The following NPAS3 variants were observed in gnomAD, a reference collection of about 807,000 sequenced individuals.
The protein encoded by NPAS3 is neuronal PAS domain protein 3.
A neutral mutation model predicts 73.1 loss-of-function variants in NPAS3; 14 were observed. The ratio of observed to expected loss-of-function variants is 0.19; its 90% CI spans 0.13 to 0.30. The LOEUF (loss-of-function observed/expected upper bound fraction) is 0.30. Ranked by LOEUF, NPAS3 falls within the 10% of genes least tolerant of loss-of-function variation. The pLI is 1.00. For synonymous variants in NPAS3, 620 were observed against 541.5 expected, an observed-to-expected ratio of 1.14 and a Z score of -2.01; for missense variants, 1,096 against 1,250.0, an observed-to-expected ratio of 0.88 and a Z score of 1.86.
At chr14:33,075,594 A>G (rs966350516) in intron 2 of NPAS3, among the ~76,000 whole-genome samples, 4 of 152,210 alleles carry the variant, frequency 2.6e-5, no homozygotes, top group Non-Finnish European at 2.9e-5. Flanking sequence ...TTGCTAGAAC[A>G]CATTTTATAG....
chr14:33,350,686 A>G (rs911570334), intron 3 of NPAS3, among the ~76,000 whole-genome samples: 13 of 152,262 alleles, frequency 8.5e-5, no homozygotes, highest in Admixed American at 1.3e-4. Flanking sequence ...GATGCTTAAA[A>G]TGACTTTAAT....
intron 3 of NPAS3, among the ~76,000 whole-genome samples, chr14:33,340,430 G>A (rs1296996026): frequency 6.6e-6 from 1 of 152,256 alleles, no homozygotes; most frequent in Admixed American, 6.5e-5. Flanking sequence ...GGGAGGCAGA[G>A]GTTGCAGTGA....
intron 6 of NPAS3, among the ~76,000 whole-genome samples, chr14:33,732,771 C>T (rs2061431177): frequency 6.6e-6 from 1 of 152,184 alleles, no homozygotes; most frequent in African/African-American, 2.4e-5. Flanking sequence ...AACGTTGCCC[C>T]TGTATGTTTA....
rs1372871537 is a variant in NPAS3 at position 33,733,151 on chromosome 14, G to A, written c.734-2063G>A. Among the ~76,000 whole-genome samples the A allele has an allele frequency of 2.0e-5, 3 of 152,106 alleles. No homozygotes were observed. In the East Asian group the frequency reaches 5.8e-4, roughly 29 times the overall value. ...CTGAATTTTTAAGGCTGAGTTTGTG[G>A]TGTGGTTCTGATGGCTTCACGTTAG... On this transcript the variant is annotated intron_variant, in intron 6 of 11. Coordinates refer to ENST00000356141, the Ensembl canonical transcript of NPAS3.
intron 3 of NPAS3, among the ~76,000 whole-genome samples, chr14:33,322,430 G>A (rs1174212906): frequency 6.6e-6 from 1 of 150,708 alleles, no homozygotes; most frequent in Non-Finnish European, 1.5e-5. Flanking sequence ...GAGCAATTAC[G>A]TTTTTGCTAA....
intron 2 of NPAS3, among the ~76,000 whole-genome samples, chr14:33,144,140 T>C (rs2044156439): frequency 6.6e-6 from 1 of 152,206 alleles, no homozygotes; most frequent in African/African-American, 2.4e-5. Flanking sequence ...AGCCAAACTA[T>C]TTTCCACAGT....
In NPAS3 at chr14:33,394,680, G is replaced by A. The variant is rs186093995; in HGVS notation, c.468+27412G>A. On this transcript the variant is annotated intron_variant, in intron 4 of 11. Coordinates refer to ENST00000356141, the Ensembl canonical transcript of NPAS3. Reference sequence around the variant, plus strand: ...TATTTATCCTAAACATTTTAAAAATGCTGTTTTCCCAGACCAAAAGAAATA... The same window carrying A: ...TATTTATCCTAAACATTTTAAAAATACTGTTTTCCCAGACCAAAAGAAATA... Among the ~76,000 whole-genome samples, 614 of 152,212 alleles carry A rather than the reference G, an allele frequency of 4.0e-3. 7 individuals carry two copies. The highest frequency in any genetic ancestry group is 0.014 in the African/African-American group (574 of 41,556).
chr14:33,084,650 C>A (rs1171553177), intron 2 of NPAS3, among the ~76,000 whole-genome samples: 1 of 152,104 alleles, frequency 6.6e-6, no homozygotes, highest in East Asian at 1.9e-4. Flanking sequence ...ATCCTGGGGA[C>A]CTGTGTGATC....
chr14:33,545,410 CT>C (rs1304948808), intron 4 of NPAS3, among the ~76,000 whole-genome samples: 8 of 152,278 alleles, frequency 5.3e-5, no homozygotes, highest in Non-Finnish European at 8.8e-5. Flanking sequence ...TACGATGACA[CT>C]TTTACGTGTG....
rs2035871397 is a variant in NPAS3, at chr14:32,939,419, G to GCCGCCT, written c.50+59_50+64dup. 2.9e-5 allele frequency: 16 copies of GCCGCCT among 558,934 alleles called. No individual in the cohort carries two copies. In the South Asian group the frequency reaches 2.9e-4, roughly 10 times the overall value. 34.6% of individuals were successfully genotyped at this position (558,934 alleles called of 1,614,324 possible). A position where few individuals can be genotyped will look rare whatever the true frequency, so the allele number is the denominator to read the frequency against. On this transcript the variant is annotated intron_variant, in intron 1 of 11. Coordinates refer to ENST00000356141, the Ensembl canonical transcript of NPAS3. ...CCGCCGGGCCGCTGCTCCCGCCGCC[G>GCCGCCT]CCGCCTCCGCCGCCGAGGGCCCCTC...
intron 1 of NPAS3, among the ~76,000 whole-genome samples, chr14:33,012,388 C>A (rs1003140418): frequency 2.6e-5 from 4 of 152,232 alleles, no homozygotes; most frequent in African/African-American, 9.6e-5. Context: ...GTGGATGTAA[C>A]CAAAGTTTAA....
chr14:33,186,762 A>G (rs1281813301), intron 2 of NPAS3, among the ~76,000 whole-genome samples: 1 of 152,146 alleles, frequency 6.6e-6, no homozygotes, highest in Non-Finnish European at 1.5e-5. Flanking sequence ...TAGTGTGTCC[A>G]GAATCTGTCT....
intron 5 of NPAS3, among the ~76,000 whole-genome samples, chr14:33,658,094 C>T (rs1384149276): frequency 6.6e-6 from 1 of 152,220 alleles, no homozygotes; most frequent in Non-Finnish European, 1.5e-5. Flanking sequence ...GGCTGCCACT[C>T]TTATAATAAG....
At chr14:33,678,858 T>C (rs1412677599) in intron 6 of NPAS3, among the ~76,000 whole-genome samples, 1 of 151,842 alleles carries the variant, frequency 6.6e-6, no homozygotes, top group Non-Finnish European at 1.5e-5. Context: ...ATATAAGAAC[T>C]CTCATAAATC....
chr14:33,223,729 C>A (rs1450559865), intron 3 of NPAS3, among the ~76,000 whole-genome samples: 1 of 152,030 alleles, frequency 6.6e-6, no homozygotes, highest in Admixed American at 6.6e-5. Context: ...AGCCACATAC[C>A]CTAACTCTTA....
intron 9 of NPAS3, among the ~76,000 whole-genome samples, chr14:33,789,428 G>A (rs1326373279): frequency 1.3e-5 from 2 of 152,138 alleles, no homozygotes; most frequent in Non-Finnish European, 2.9e-5. Flanking sequence ...TAGCAGAGAT[G>A]TTCCCAGTTA....
chr14:33,511,274 C>T (rs1004530266), intron 4 of NPAS3, among the ~76,000 whole-genome samples: 1 of 152,042 alleles, frequency 6.6e-6, no homozygotes, highest in African/African-American at 2.4e-5. Context: ...ATTCAATCAC[C>T]TGTTATTTTA....
intron 2 of NPAS3, among the ~76,000 whole-genome samples, chr14:33,113,533 G>A: frequency 6.6e-6 from 1 of 152,140 alleles, no homozygotes; most frequent in African/African-American, 2.4e-5. Flanking sequence ...CTGAGACTTT[G>A]CTGAAGTTGC....
chr14:33,746,621 T>C (rs1038528496), intron 7 of NPAS3, among the ~76,000 whole-genome samples: 2 of 151,994 alleles, frequency 1.3e-5, no homozygotes, highest in Non-Finnish European at 2.9e-5. Context: ...CAAAATATGG[T>C]TGCACACAGC....
Sources: allele counts gnomAD v4.1 joint callset (sites outside exome capture counted in the v4.1 genomes callset), GRCh38; gene constraint gnomAD v4.1.1; transcripts MANE v1.5; gene names NCBI Gene and HGNC (gene_info 2026-07-23, HGNC 2026-07-21).